Variants in PGAP4 observed in about 807,000 individuals in gnomAD.
The protein encoded by PGAP4 is GPI-N-acetylgalactosamine transferase PGAP4.
In PGAP4, 12 loss-of-function variants were observed where a neutral mutation model predicts 28.2. The ratio of observed to expected loss-of-function variants is 0.42; its 90% CI spans 0.27 to 0.69. The LOEUF (loss-of-function observed/expected upper bound fraction) is 0.69. PGAP4 is among the 30% of genes least tolerant of loss of function. The probability of loss-of-function intolerance (pLI) is 0.22; values close to 1 mark genes in which losing one functional copy is unlikely to be tolerated. For synonymous variants in PGAP4, 205 were observed against 211.8 expected (o/e 0.97, Z 0.28); for missense variants, 425 against 513.5 (o/e 0.83, Z 1.67).
At chr9:101,499,164 A>T (rs1826776479) in intron 2 of PGAP4, among the ~76,000 whole-genome samples, 1 of 152,014 alleles carries the variant, frequency 6.6e-6, no homozygotes, top group Non-Finnish European at 1.5e-5. Flanking sequence ...GCGATGTAAG[A>T]TTTCTTATTA....
At chr9:101,508,766 C>T (rs1004311657) in intron 2 of PGAP4, among the ~76,000 whole-genome samples, 7 of 152,028 alleles carry the variant, frequency 4.6e-5, no homozygotes, top group African/African-American at 1.7e-4. Context: ...TAGAACTCAC[C>T]ATAATGCAGA....
intron 1 of PGAP4, among the ~76,000 whole-genome samples, chr9:101,532,034 C>T (rs1258497658): frequency 6.6e-6 from 1 of 152,208 alleles, no homozygotes; most frequent in East Asian, 1.9e-4. Flanking sequence ...CTTTGGGAGG[C>T]TGAGGTGGAT....
intron 2 of PGAP4, among the ~76,000 whole-genome samples, chr9:101,502,400 T>C (rs1826811492): frequency 1.3e-5 from 2 of 152,106 alleles, no homozygotes; most frequent in Admixed American, 6.6e-5. Context: ...AGATAATTTC[T>C]AAATGCTTAT....
chr9:101,482,484 G>C (rs114043615), intron 1 of PGAP4, among the ~76,000 whole-genome samples: 2,263 of 152,272 alleles, frequency 0.015, 52 homozygotes, highest in African/African-American at 0.051. Flanking sequence ...TCAGGCATAG[G>C]ACACTGTGCA....
At chr9:101,517,696 G>C (rs556949245) in intron 2 of PGAP4, among the ~76,000 whole-genome samples, 104 of 152,148 alleles carry the variant, frequency 6.8e-4, no homozygotes, top group African/African-American at 2.5e-3. Context: ...GTTACTATTG[G>C]GGCCCTAGCT....
intron 2 of PGAP4, among the ~76,000 whole-genome samples, chr9:101,516,208 C>A (rs913318096): frequency 5.3e-5 from 8 of 152,050 alleles, no homozygotes; most frequent in African/African-American, 1.9e-4. Context: ...GTGATTCTTT[C>A]TTTTTTTGCC....
chr9:101,486,874 C>A lies in PGAP4; in HGVS notation c.-78+75G>T, dbSNP rs1826628395. 1 of 152,838 alleles carries A rather than the reference C, an allele frequency of 6.5e-6. No homozygotes were observed. Among genetic ancestry groups the A allele is most frequent in the Non-Finnish European group, 1.5e-5 (1 of 68,528 alleles). The allele number at this position is 152,838 out of a possible 1,614,324, so 9.5% of individuals were successfully genotyped here. ...AGCTGTGGCCACCCCTAATCCTTGT[C>A]CCCTCGCTCTAGTGTCCAGGGCTCC... On this transcript the variant is annotated intron_variant, in intron 1 of 1. Coordinates refer to ENST00000374848, the MANE Select transcript of PGAP4 (RefSeq NM_032342.3). The surrounding 1 kb of genome is among the most constrained non-coding windows in gnomAD (Gnocchi z 4.7).
chr9:101,494,696 C>A (rs972770333), intron 2 of PGAP4, among the ~76,000 whole-genome samples: 1 of 151,608 alleles, frequency 6.6e-6, no homozygotes, highest in Non-Finnish European at 1.5e-5. Flanking sequence ...CAATTTTAGA[C>A]TATAGCTGAT....
chr9:101,498,692 G>A (rs1826773222), intron 2 of PGAP4, among the ~76,000 whole-genome samples: 1 of 151,956 alleles, frequency 6.6e-6, no homozygotes, highest in Non-Finnish European at 1.5e-5. Context: ...TAGCCAGCTG[G>A]AGGCCCAGGA....
intron 2 of PGAP4, among the ~76,000 whole-genome samples, chr9:101,503,422 A>T (rs1826820335): frequency 6.6e-6 from 1 of 152,024 alleles, no homozygotes; most frequent in Non-Finnish European, 1.5e-5. Flanking sequence ...TATGAAGAGG[A>T]ATACCCAGTT....
At chr9:101,482,009 A>G (rs1458562494) in intron 1 of PGAP4, among the ~76,000 whole-genome samples, 1 of 152,166 alleles carries the variant, frequency 6.6e-6, no homozygotes, top group Admixed American at 6.5e-5. Flanking sequence ...GGCTCCTAAC[A>G]GAGCTTCTGA....
intron 1 of PGAP4, among the ~76,000 whole-genome samples, chr9:101,479,060 C>G (rs137950421): frequency 6.6e-6 from 1 of 152,212 alleles, no homozygotes. Context: ...ACTAAGAGAT[C>G]TGGATAGTAC....
intron 2 of PGAP4, among the ~76,000 whole-genome samples, chr9:101,521,728 C>A (rs1044828157): frequency 6.6e-6 from 1 of 151,838 alleles, no homozygotes; most frequent in Non-Finnish European, 1.5e-5. Flanking sequence ...CTACTCTGAT[C>A]TTGGTTATTT....
At chr9:101,503,268 A>T (rs1826819278) in intron 2 of PGAP4, among the ~76,000 whole-genome samples, 1 of 152,082 alleles carries the variant, frequency 6.6e-6, no homozygotes. Context: ...CAAATGAAGG[A>T]AGTCTCAGAT....
rs1411296963 is a variant in PGAP4 at position 101,476,515 on chromosome 9, T to C, written c.578A>G (p.Tyr193Cys). ...GGTCTGCAGGGATGACTCCAGGCAA[T>C]AGACATAGTCCTGCTTCTCTTTCTC... Reference protein sequence around the residue: ...SFEKEKQDYVYCLESSLQTYN... With the variant: ...SFEKEKQDYVCCLESSLQTYN... Residue 193 changes from tyrosine (Y) to cysteine (C), a missense_variant, in exon 2 of 2, where the codon TAT becomes TGT. By Grantham distance (194) the Tyr-to-Cys change is radical. Coordinates refer to ENST00000374848, the MANE Select transcript of PGAP4 (RefSeq NM_032342.3). This position sits in a 1 kb window ranked among gnomAD's most constrained non-coding sequence, Gnocchi z 7.0. The C allele has an allele frequency of 6.2e-7, 1 of 1,614,176 alleles. No individual in the cohort carries two copies. Among genetic ancestry groups the C allele is most frequent in the East Asian group, 2.2e-5 (1 of 44,858 alleles).
In PGAP4 at chr9:101,486,699, G is replaced by A. The variant is rs1826623396; in HGVS notation, c.-78+250C>T. Among the ~76,000 whole-genome samples, 1 of 152,050 alleles carries A rather than the reference G, an allele frequency of 6.6e-6. No individual in the cohort carries two copies. The highest frequency in any genetic ancestry group is 2.4e-5 in the African/African-American group (1 of 41,434). On this transcript the variant is annotated intron_variant, in intron 1 of 1. Transcript: ENST00000374848. The surrounding 1 kb of genome is among the most constrained non-coding windows in gnomAD (Gnocchi z 4.7). ...TGATGCGGGCCCCTGCTGCCCTGGG[G>A]ACCCCTGCGGGGTCCTCGCAATCCT... is the stretch of plus-strand genomic sequence containing the variant.
chr9:101,504,387 A>G (rs891481307), intron 2 of PGAP4, among the ~76,000 whole-genome samples: 2 of 151,762 alleles, frequency 1.3e-5, no homozygotes, highest in Non-Finnish European at 2.9e-5. Flanking sequence ...ATAAAAGCCA[A>G]TTACATCTTT....
chr9:101,483,222 T>C (rs10819945), intron 1 of PGAP4, among the ~76,000 whole-genome samples: 46,353 of 152,126 alleles, frequency 0.3, 8,756 homozygotes, highest in South Asian at 0.44. Context: ...AATAATTGGC[T>C]TCTTTTGACC....
chr9:101,480,791 C>G (rs902564393), intron 1 of PGAP4: 1 of 152,210 alleles, frequency 6.6e-6, no homozygotes, highest in South Asian at 2.1e-4. Flanking sequence ...CTTTTTAAAA[C>G]ATTTTTTTAA....
Sources: allele counts gnomAD v4.1 joint callset (sites outside exome capture counted in the v4.1 genomes callset), GRCh38; gene constraint gnomAD v4.1.1; non-coding constraint Gnocchi (gnomAD v3.1); transcripts MANE v1.5; gene names NCBI Gene and HGNC (gene_info 2026-07-23, HGNC 2026-07-21).